CARS1: variants seen among roughly 807,000 people sequenced by gnomAD.
The protein encoded by CARS1 is cysteinyl-tRNA synthetase 1.
Under a neutral mutation model 106.2 loss-of-function variants are expected in CARS1, and 48 were observed. The observed-to-expected ratio is 0.45, with a 90% CI of 0.36 to 0.57. The LOEUF is 0.57. CARS1 is among the 20% of genes least tolerant of loss of function. CARS1 has a pLI of 0.00. For missense variants in CARS1, 968 were observed against 1,057.2 expected (o/e 0.92, Z 1.17); for synonymous variants, 409 against 403.4 (o/e 1.01, Z -0.17).
rs1432062946 is a variant in CARS1 at position 3,019,957 on chromosome 11, C to T, written c.1266+263G>A. 6.6e-6 allele frequency among the ~76,000 whole-genome samples: 1 copy of T among 152,182 alleles called. No homozygotes were observed. Among genetic ancestry groups the T allele is most frequent in the African/African-American group, 2.4e-5 (1 of 41,450 alleles). On this transcript the variant is annotated intron_variant, in intron 11 of 22. Coordinates refer to ENST00000380525, the MANE Select transcript of CARS1 (RefSeq NM_001014437.3). The surrounding 1 kb of genome is among the most constrained non-coding windows in gnomAD (Gnocchi z 6.2). ...ACAGAACACAAGAACCAAGAAGCCT[C>T]CATGGACGTCTACTCTGATCACATC...
chr11:3,001,206 C>G lies in CARS1; in HGVS notation c.2404G>C (p.Gly802Arg), dbSNP rs1009193617. Residue 802 changes from glycine to arginine, a missense_variant, in exon 23 of 23, where the codon GGG (glycine) becomes CGG (arginine). Gly to Arg is a moderately radical substitution (Grantham distance 125). Coordinates refer to ENST00000380525, the MANE Select transcript of CARS1 (RefSeq NM_001014437.3). ...HDMEGKELSK[G>R]QAKKLKKLFE... ...AGCTTCTTCAGCTTCTTGGCTTGCC[C>G]TTTGCTGAGCTCTTTGCCCTCCATG... 1 of 1,613,954 alleles carries G rather than the reference C, an allele frequency of 6.2e-7. No individual in the cohort carries two copies. The highest frequency in any genetic ancestry group is 8.5e-7 in the Non-Finnish European group (1 of 1,180,042).
In CARS1 at chr11:3,045,271, A is replaced by G. The variant is rs1013160139; in HGVS notation, c.274+2482T>C. Among the ~76,000 whole-genome samples the G allele has an allele frequency of 2.0e-5, 3 of 151,336 alleles. No individual in the cohort carries two copies. The highest frequency in any genetic ancestry group is 7.3e-5 in the African/African-American group (3 of 41,140). Reference sequence around the variant, plus strand: ...AAGCAGAGCCTTTCCATTATCTCCAACCCCCCACCCCGAGACGGAGTCTCG... The same window carrying G: ...AAGCAGAGCCTTTCCATTATCTCCAGCCCCCCACCCCGAGACGGAGTCTCG... On this transcript the variant is annotated intron_variant, in intron 2 of 22. Transcript: ENST00000380525. This position sits in a 1 kb window ranked among gnomAD's most constrained non-coding sequence, Gnocchi z 5.6.
Position 3,051,906 on chromosome 11 carries a change from C to T in CARS1, c.26-3905G>A, listed in dbSNP as rs1476524836. ...ACCCTGAGAAACAGTGACACAGCAT[C>T]GGCTTCCAGCTGAGACAGCGAGCTG... is the stretch of plus-strand genomic sequence containing the variant. On this transcript the variant is annotated intron_variant, in intron 1 of 22. Transcript: ENST00000380525. 2.6e-5 allele frequency among the ~76,000 whole-genome samples: 4 copies of T among 152,332 alleles called. No individual in the cohort carries two copies. The East Asian group carries it at 5.8e-4, about 22-fold the overall frequency.
At position 3,052,871 on chromosome 11, in the gene CARS1, C is replaced by A. The variant is rs1197491476; in HGVS notation, c.25+4472G>T. On this transcript the variant is annotated intron_variant, in intron 1 of 22. Transcript: ENST00000380525. This position sits in a 1 kb window ranked among gnomAD's most constrained non-coding sequence, Gnocchi z 4.6. ...CTGAAAACCTCCCAGGGACCTGTTC[C>A]TCGACACTGGCCCTCATCGTAGAGC... Among the ~76,000 whole-genome samples, 1 of 152,252 alleles carries A rather than the reference C, an allele frequency of 6.6e-6. No homozygotes were observed.
At position 3,039,245 on chromosome 11, in the gene CARS1, C is replaced by T. The variant is rs1240647729; in HGVS notation, c.600G>A (p.Glu200=). Residue 200 remains glutamate, a synonymous_variant, in exon 6 of 23, where the codon GAG becomes GAA. Transcript: ENST00000380525. This position sits in a 1 kb window ranked among gnomAD's most constrained non-coding sequence, Gnocchi z 5.6. ...AGAGCTGTGCCGCTTCAGGCCTCTT[C>T]TCCCGATACTGCTCGAACAGGTGGT... ...RQNHLFEQYR[E]KRPEAAQLLE... 1 of 1,613,852 alleles carries T rather than the reference C, an allele frequency of 6.2e-7. No homozygotes were observed. Among genetic ancestry groups the T allele is most frequent in the Non-Finnish European group, 8.5e-7 (1 of 1,179,892 alleles).
chr11:3,026,843 A>T (rs961748151), intron 9 of CARS1, 46 bp from the exon 10 acceptor site: 1 of 1,583,496 alleles, frequency 6.3e-7, no homozygotes, highest in South Asian at 1.1e-5. Context: ...AACAGACCCG[A>T]AAGTGTGTCA....
rs7102186 is a variant in CARS1, at chr11:3,019,998, G to A, written c.1266+222C>T. Among the ~76,000 whole-genome samples the A allele has an allele frequency of 5.4e-3, 826 of 152,322 alleles. 9 individuals are homozygous for A. The highest frequency in any genetic ancestry group is 0.019 in the African/African-American group (775 of 41,576). ...TGATCACATCTCCACTTACAGACCA[G>A]AAAACAGAAATCCCAGGAGGGAAGT... is the stretch of plus-strand genomic sequence containing the variant. On this transcript the variant is annotated intron_variant, in intron 11 of 22. Coordinates refer to ENST00000380525, the MANE Select transcript of CARS1 (RefSeq NM_001014437.3). The surrounding 1 kb of genome is among the most constrained non-coding windows in gnomAD (Gnocchi z 6.2).
chr11:3,018,318 G>A, intron 14 of CARS1, 90 bp downstream of exon 14: 1 of 817,064 alleles, frequency 1.2e-6, no homozygotes, highest in Non-Finnish European at 2.0e-6. Context: ...GAGACATCGG[G>A]AGGCTGGTGC....
At chr11:3,056,795 C>T (rs1355875226) in intron 1 of CARS1, among the ~76,000 whole-genome samples, 2 of 152,164 alleles carry the variant, frequency 1.3e-5, no homozygotes, top group African/African-American at 4.8e-5. Context: ...GAGCGAGGGC[C>T]CGCCCAGGCA....
chr11:3,032,197 C>T (rs1450694231), intron 7 of CARS1, among the ~76,000 whole-genome samples: 6 of 151,690 alleles, frequency 4.0e-5, no homozygotes, highest in South Asian at 2.1e-4. Flanking sequence ...CTCAGCCTCC[C>T]GAGTAGAAGG....
chr11:3,002,383 T>G, intron 21 of CARS1, 158 bp downstream of exon 21: 2 of 1,387,976 alleles, frequency 1.4e-6, no homozygotes, highest in South Asian at 2.8e-5. Context: ...GAGAAGGGCC[T>G]GGCAGGCCTT....
intron 18 of CARS1, among the ~76,000 whole-genome samples, chr11:3,009,798 T>C (rs1483190034): frequency 1.3e-5 from 2 of 151,880 alleles, no homozygotes; most frequent in Non-Finnish European, 2.9e-5. Flanking sequence ...GCCAAGCAGA[T>C]CCCAGCTGAT....
At chr11:3,042,650 G>A (rs1854632971) in intron 2 of CARS1, among the ~76,000 whole-genome samples, 1 of 152,140 alleles carries the variant, frequency 6.6e-6, no homozygotes, top group East Asian at 1.9e-4. Flanking sequence ...TTCAAATACT[G>A]GCCCCTTTCT....
chr11:3,035,377 A>C (rs931249580), intron 7 of CARS1, among the ~76,000 whole-genome samples: 4 of 152,330 alleles, frequency 2.6e-5, no homozygotes, highest in Admixed American at 6.5e-5. Flanking sequence ...AGCACTTCAC[A>C]TTCATTGACT....
At chr11:3,026,561 G>A (rs1852097017) in intron 10 of CARS1, 115 bp downstream of exon 10, 2 of 1,102,364 alleles carry the variant, frequency 1.8e-6, no homozygotes, top group Admixed American at 2.4e-5. Context: ...AAAAAGCACT[G>A]TTCCCAAGAG....
rs1489810798 is a variant in CARS1, at chr11:3,052,832, C to T, written c.25+4511G>A. 6.6e-6 allele frequency among the ~76,000 whole-genome samples: 1 copy of T among 152,222 alleles called. No homozygotes were observed. The highest frequency in any genetic ancestry group is 1.5e-5 in the Non-Finnish European group (1 of 68,032). ...GTCTGATGCTGAGATCAGATGAGAA[C>T]ACTTCTGAGCAGACTGAAAACCTCC... On this transcript the variant is annotated intron_variant, in intron 1 of 22. Transcript: ENST00000380525. This position sits in a 1 kb window ranked among gnomAD's most constrained non-coding sequence, Gnocchi z 4.6.
At position 3,046,740 on chromosome 11, in the gene CARS1, A is replaced by C. The variant is rs1218045723; in HGVS notation, c.274+1013T>G. On this transcript the variant is annotated intron_variant, in intron 2 of 22. Transcript: ENST00000380525. The surrounding 1 kb of genome is among the most constrained non-coding windows in gnomAD (Gnocchi z 5.8). ...AAAACAGCACTAAACCTGCCCCCAC[A>C]TGAAGGTGGAGGAGTGCCCACAGCC... Among the ~76,000 whole-genome samples, 2 of 152,108 alleles carry C rather than the reference A, an allele frequency of 1.3e-5. No homozygotes were observed. Among genetic ancestry groups the C allele is most frequent in the Non-Finnish European group, 2.9e-5 (2 of 68,016 alleles).
chr11:3,056,329 G>T (rs550819488), intron 1 of CARS1, among the ~76,000 whole-genome samples: 29 of 152,334 alleles, frequency 1.9e-4, no homozygotes, highest in African/African-American at 6.3e-4. Flanking sequence ...TAGATACTGA[G>T]AATGTTTCCT....
intron 1 of CARS1, chr11:3,054,793 C>T: frequency 1.4e-6 from 1 of 692,012 alleles, no homozygotes; most frequent in African/African-American, 1.8e-5. Flanking sequence ...GTGCCTGGCA[C>T]AGACTCATGC....
Sources: gnomAD v4.1 joint callset for allele counts (sites outside exome capture counted in the v4.1 genomes callset) on GRCh38, gnomAD v4.1.1 for gene constraint, Gnocchi (gnomAD v3.1) non-coding constraint, MANE v1.5 for transcripts, NCBI Gene and HGNC (gene_info 2026-07-23, HGNC 2026-07-21) for gene names.